SGCZ: variants seen among roughly 807,000 people sequenced by gnomAD.
SGCZ encodes zeta-sarcoglycan.
A neutral mutation model predicts 41.3 loss-of-function variants in SGCZ; 40 were observed. The observed-to-expected ratio is 0.97, with a 90% CI of 0.75 to 1.26. The LOEUF (loss-of-function observed/expected upper bound fraction) is 1.26. Among genes scored for constraint, SGCZ ranks in the 50% most tolerant of loss-of-function variants. SGCZ has a pLI of 0.00. For missense variants in SGCZ, 552 were observed against 369.8 expected (o/e 1.49, Z -4.04); for synonymous variants, 206 against 137.5 (o/e 1.50, Z -3.49).
intron 2 of SGCZ, among the ~76,000 whole-genome samples, chr8:14,451,085 C>A (rs1380890064): frequency 6.6e-6 from 1 of 152,116 alleles, no homozygotes; most frequent in Admixed American, 6.5e-5. Flanking sequence ...TTAGCAATTT[C>A]ATAGTTAGGA....
intron 5 of SGCZ, among the ~76,000 whole-genome samples, chr8:14,124,286 C>CCT (rs144892090): frequency 1.3e-5 from 2 of 151,912 alleles, no homozygotes; most frequent in East Asian, 1.9e-4. Context: ...CCCTCTTTCT[C>CCT]CTCTCTCTCT....
chr8:14,606,848 G>A (rs924725591), intron 1 of SGCZ, among the ~76,000 whole-genome samples: 1 of 151,998 alleles, frequency 6.6e-6, no homozygotes, highest in Admixed American at 6.6e-5. Flanking sequence ...GTGGCTTTTT[G>A]TTTGATTCTT....
intron 1 of SGCZ, among the ~76,000 whole-genome samples, chr8:14,679,407 A>G (rs967187443): frequency 6.6e-6 from 1 of 151,906 alleles, no homozygotes; most frequent in Admixed American, 6.6e-5. Flanking sequence ...TACAGGGGGA[A>G]GACAGTGACA....
intron 1 of SGCZ, among the ~76,000 whole-genome samples, chr8:14,739,648 T>C (rs1441209274): frequency 6.6e-6 from 1 of 152,060 alleles, no homozygotes; most frequent in Non-Finnish European, 1.5e-5. Flanking sequence ...TTTAGAAAAC[T>C]AGTTTATTTC....
chr8:15,229,798 T>C (rs961411045), intron 1 of SGCZ, among the ~76,000 whole-genome samples: 1 of 152,214 alleles, frequency 6.6e-6, no homozygotes, highest in African/African-American at 2.4e-5. Flanking sequence ...TTCTCACTCA[T>C]GGCAGCTGAA....
intron 1 of SGCZ, among the ~76,000 whole-genome samples, chr8:15,128,607 C>A (rs546383544): frequency 1.3e-5 from 2 of 152,174 alleles, no homozygotes; most frequent in Non-Finnish European, 2.9e-5. Flanking sequence ...ATCTCAGAAG[C>A]GCCCTGTGAT....
chr8:14,943,476 C>G (rs1800342257), intron 1 of SGCZ, among the ~76,000 whole-genome samples: 1 of 152,154 alleles, frequency 6.6e-6, no homozygotes, highest in South Asian at 2.1e-4. Flanking sequence ...TGGGCCTCCT[C>G]CCTGCACAGG....
At chr8:15,177,518 G>A (rs1021723454) in intron 1 of SGCZ, among the ~76,000 whole-genome samples, 3 of 152,058 alleles carry the variant, frequency 2.0e-5, no homozygotes, top group Admixed American at 6.5e-5. Context: ...TACAATGGGA[G>A]GCATTGTAAA....
At chr8:14,330,204 A>G (rs1802263118) in intron 2 of SGCZ, among the ~76,000 whole-genome samples, 1 of 152,136 alleles carries the variant, frequency 6.6e-6, no homozygotes, top group African/African-American at 2.4e-5. Context: ...TTAAAAGTTT[A>G]TGATCAATCT....
At chr8:14,313,810 A>G (rs978817175) in intron 3 of SGCZ, among the ~76,000 whole-genome samples, 2 of 152,134 alleles carry the variant, frequency 1.3e-5, no homozygotes, top group African/African-American at 4.8e-5. Flanking sequence ...TAGAATAGCA[A>G]TCTGAGCTGA....
At chr8:14,529,297 T>G (rs1421378192) in intron 2 of SGCZ, among the ~76,000 whole-genome samples, 1 of 152,162 alleles carries the variant, frequency 6.6e-6, no homozygotes, top group Admixed American at 6.5e-5. Flanking sequence ...CCTAACTCAT[T>G]CCAGCACACC....
chr8:14,113,390 T>C (rs1802431390), intron 5 of SGCZ, among the ~76,000 whole-genome samples: 2 of 152,128 alleles, frequency 1.3e-5, no homozygotes, highest in African/African-American at 4.8e-5. Flanking sequence ...TTACATTTTA[T>C]ATTTTTAATT....
At chr8:14,098,032 C>G (rs1390229293) in intron 7 of SGCZ, among the ~76,000 whole-genome samples, 1 of 152,106 alleles carries the variant, frequency 6.6e-6, no homozygotes, top group Non-Finnish European at 1.5e-5. Flanking sequence ...TAAATACATC[C>G]TCCTCAAAGA....
chr8:14,936,575 G>T (rs972113530), intron 1 of SGCZ, among the ~76,000 whole-genome samples: 2 of 151,800 alleles, frequency 1.3e-5, no homozygotes, highest in South Asian at 2.1e-4. Flanking sequence ...ACTTTTGTAA[G>T]TTTCATAAGT....
intron 1 of SGCZ, among the ~76,000 whole-genome samples, chr8:15,101,588 G>A (rs1177425916): frequency 6.6e-6 from 1 of 152,148 alleles, no homozygotes; most frequent in African/African-American, 2.4e-5. Flanking sequence ...TCAAATGCTG[G>A]TGAAGTGGAA....
intron 1 of SGCZ, among the ~76,000 whole-genome samples, chr8:14,974,192 G>T (rs1031746752): frequency 6.6e-6 from 1 of 152,122 alleles, no homozygotes; most frequent in African/African-American, 2.4e-5. Flanking sequence ...GATACAATTA[G>T]TAGTATAAAT....
chr8:14,211,866 G>A (rs1805819392), intron 4 of SGCZ, among the ~76,000 whole-genome samples: 1 of 151,996 alleles, frequency 6.6e-6, no homozygotes, highest in Admixed American at 6.5e-5. Flanking sequence ...AGATCAAGAG[G>A]ACAGATGTCC....
intron 2 of SGCZ, among the ~76,000 whole-genome samples, chr8:14,324,869 G>T (rs961006492): frequency 1.4e-4 from 22 of 152,318 alleles, no homozygotes; most frequent in Non-Finnish European, 2.8e-4. Context: ...TCATGGAAGA[G>T]ATTGACTACG....
At chr8:15,023,306 C>G (rs1803324062) in intron 1 of SGCZ, among the ~76,000 whole-genome samples, 1 of 152,094 alleles carries the variant, frequency 6.6e-6, no homozygotes, top group African/African-American at 2.4e-5. Flanking sequence ...GGTTTGTGGC[C>G]AGGTTTGGGA....
Sources: allele counts gnomAD v4.1 joint callset (sites outside exome capture counted in the v4.1 genomes callset), GRCh38; gene constraint gnomAD v4.1.1; transcripts MANE v1.5; gene names NCBI Gene and HGNC (gene_info 2026-07-23, HGNC 2026-07-21).